Variants in HNF1B observed in about 807,000 individuals in gnomAD.
The protein encoded by HNF1B is HNF1 homeobox B.
HNF1B carries 8 observed loss-of-function variants against 61.7 expected under a neutral mutation model. The ratio of observed to expected loss-of-function variants is 0.13; its 90% confidence interval spans 0.08 to 0.23. The LOEUF is 0.23. HNF1B is among the 10% of genes least tolerant of loss of function. HNF1B has a pLI of 1.00. For missense variants in HNF1B, 562 were observed against 714.5 expected (o/e 0.79, Z 2.43); for synonymous variants, 314 against 287.7 (o/e 1.09, Z -0.93).
rs533440865 is a variant in HNF1B, at chr17:37,705,306, A to C, written c.1207-257T>G. ...GCAACATGGTGAAATCATCTCTACAAAAAAAGAAAAAAACACAATTATTAA... is the reference window on the plus strand; with the variant it reads ...GCAACATGGTGAAATCATCTCTACACAAAAAGAAAAAAACACAATTATTAA... On this transcript the variant is annotated intron_variant, in intron 5 of 8. Coordinates refer to ENST00000617811, the MANE Select transcript of HNF1B (RefSeq NM_000458.4). Among the ~76,000 whole-genome samples the C allele has an allele frequency of 5.9e-5, 9 of 152,190 alleles. No individual in the cohort carries two copies. In the East Asian group the frequency reaches 1.7e-3, roughly 29 times the overall value.
At chr17:37,720,815 A>G (rs7407025) in intron 4 of HNF1B, 242,717 of 985,080 alleles carry the variant, frequency 0.25, 30,518 homozygotes, top group South Asian at 0.39. Flanking sequence ...CAGAGACTTC[A>G]GGGACCTTCT....
intron 5 of HNF1B, among the ~76,000 whole-genome samples, chr17:37,705,261 GGAGTTCAAGACCA>G (rs2032705704): frequency 6.6e-6 from 1 of 152,158 alleles, no homozygotes; most frequent in South Asian, 2.1e-4. Context: ...CCTGAGCTCA[GGAGTTCAAGACCA>G]GCCTGGGCAA....
At chr17:37,726,178 G>C (rs1282703718) in intron 4 of HNF1B, among the ~76,000 whole-genome samples, 3 of 150,714 alleles carry the variant, frequency 2.0e-5, no homozygotes, top group Non-Finnish European at 3.0e-5. Context: ...CTCTCTCTCT[G>C]TGTTGGGTTT....
chr17:37,724,887 A>C (rs2147519689), intron 4 of HNF1B, among the ~76,000 whole-genome samples: 1 of 146,096 alleles, frequency 6.8e-6, no homozygotes, highest in East Asian at 2.0e-4. Context: ...TTATATATAT[A>C]ACTTCTATAT....
chr17:37,687,190 T>C lies in HNF1B; in HGVS notation c.*182A>G. 1 of 918,738 alleles carries C rather than the reference T, an allele frequency of 1.1e-6. No homozygotes were observed. Among genetic ancestry groups the C allele is most frequent in the Non-Finnish European group, 1.7e-6 (1 of 581,354 alleles). 56.9% of individuals were successfully genotyped at this position (918,738 alleles called of 1,614,324 possible). ...ATACTGCATAGAAGGGAAACTGGGC[T>C]TCGGGCTGCGCCTCCTGAGAGTGGA... On this transcript the variant is annotated 3_prime_UTR_variant, in exon 9 of 9. Coordinates refer to ENST00000617811, the MANE Select transcript of HNF1B (RefSeq NM_000458.4).
At position 37,699,160 on chromosome 17, in the gene HNF1B, G is replaced by C; in HGVS notation, c.1569C>G (p.Ser523=). Reference sequence around the variant, plus strand: ...TTGCAGATGGAAACCGGGAGGTGTGGGAATACTGGGGGGGTTCCTGCTTGT... The same window carrying C: ...TTGCAGATGGAAACCGGGAGGTGTGCGAATACTGGGGGGGTTCCTGCTTGT... The part of the protein sequence containing the change: ...YAHKQEPPQY[S]HTSRFPSAMV... Residue 523 remains serine (S), a synonymous_variant, in exon 8 of 9, where the codon TCC becomes TCG. Coordinates refer to ENST00000617811, the MANE Select transcript of HNF1B (RefSeq NM_000458.4). 1 of 1,614,080 alleles carries C rather than the reference G, an allele frequency of 6.2e-7. No homozygotes were observed. Among genetic ancestry groups the C allele is most frequent in the African/African-American group, 1.3e-5 (1 of 75,002 alleles).
chr17:37,695,269 G>A (rs1648769871), intron 8 of HNF1B, among the ~76,000 whole-genome samples: 1 of 152,256 alleles, frequency 6.6e-6, no homozygotes. Flanking sequence ...GGTGCAGTCT[G>A]TAAGCTTTGG....
chr17:37,701,702 T>G (rs914746371), intron 6 of HNF1B, among the ~76,000 whole-genome samples: 5 of 152,140 alleles, frequency 3.3e-5, no homozygotes, highest in Non-Finnish European at 5.9e-5. Flanking sequence ...TTTAGTAGAC[T>G]GTACAAAGAC....
At chr17:37,705,817 T>A (rs1247432513) in intron 5 of HNF1B, among the ~76,000 whole-genome samples, 1 of 152,242 alleles carries the variant, frequency 6.6e-6, no homozygotes, top group African/African-American at 2.4e-5. Flanking sequence ...GTAATAGATG[T>A]GCTTATTTTG....
chr17:37,733,246 G>A (rs1295048281), intron 3 of HNF1B, among the ~76,000 whole-genome samples: 1 of 152,150 alleles, frequency 6.6e-6, no homozygotes, highest in East Asian at 1.9e-4. Flanking sequence ...AATTCATGGG[G>A]TTGTTTGTAC....
At chr17:37,739,350 T>C in intron 2 of HNF1B, 90 bp downstream of exon 2, 2 of 1,236,482 alleles carry the variant, frequency 1.6e-6, no homozygotes, top group Non-Finnish European at 1.2e-6. Flanking sequence ...TCACAAGGCC[T>C]TGTCGATGAA....
intron 6 of HNF1B, among the ~76,000 whole-genome samples, chr17:37,702,099 C>T (rs138099957): frequency 1.3e-5 from 2 of 152,270 alleles, no homozygotes; most frequent in African/African-American, 4.8e-5. Context: ...GAGAAGACAC[C>T]TGGACCTGCT....
intron 4 of HNF1B, chr17:37,729,056 GTCTTTA>G (rs1021581501): frequency 2.6e-5 from 4 of 152,222 alleles, no homozygotes; most frequent in African/African-American, 9.7e-5. Flanking sequence ...CGGGAAAGGT[GTCTTTA>G]TACATTCACT....
intron 8 of HNF1B, among the ~76,000 whole-genome samples, chr17:37,688,658 G>T (rs1010550973): frequency 6.6e-6 from 1 of 152,160 alleles, no homozygotes; most frequent in Non-Finnish European, 1.5e-5. Context: ...GAGGTGAGGA[G>T]CCTTCTACTA....
At chr17:37,738,159 A>T (rs1388698987) in intron 2 of HNF1B, among the ~76,000 whole-genome samples, 2 of 152,196 alleles carry the variant, frequency 1.3e-5, no homozygotes, top group Admixed American at 1.3e-4. Flanking sequence ...GAGTTGCTTC[A>T]TGTCAGGAAC....
chr17:37,688,841 A>G (rs1276915624), intron 8 of HNF1B, among the ~76,000 whole-genome samples: 1 of 152,150 alleles, frequency 6.6e-6, no homozygotes, highest in Non-Finnish European at 1.5e-5. Flanking sequence ...GCTGCTCCTC[A>G]GTACTCTTAA....
chr17:37,726,003 T>TG (rs1476395419), intron 4 of HNF1B, among the ~76,000 whole-genome samples: 2 of 152,196 alleles, frequency 1.3e-5, no homozygotes, highest in African/African-American at 4.8e-5. Flanking sequence ...GGGCAGTGGT[T>TG]GGGGAGGAAG....
chr17:37,689,147 A>C (rs3110639), intron 8 of HNF1B, among the ~76,000 whole-genome samples: 20,020 of 96,494 alleles, frequency 0.21, 645 homozygotes, highest in African/African-American at 0.3. Flanking sequence ...TTGGTCTCAC[A>C]AAAAAAAAAA....
intron 4 of HNF1B, among the ~76,000 whole-genome samples, chr17:37,717,498 G>A (rs1003767473): frequency 6.6e-6 from 1 of 152,146 alleles, no homozygotes; most frequent in Admixed American, 6.5e-5. Context: ...TAATAACTAT[G>A]TTCATTGTTC....
Sources: gnomAD v4.1 joint callset for allele counts (sites outside exome capture counted in the v4.1 genomes callset) on GRCh38, gnomAD v4.1.1 for gene constraint, MANE v1.5 for transcripts, NCBI Gene and HGNC (gene_info 2026-07-23, HGNC 2026-07-21) for gene names.